Variants in ADAMTS12 observed in about 807,000 individuals in gnomAD.
ADAMTS12 encodes A disintegrin and metalloproteinase with thrombospondin motifs 12.
ADAMTS12 carries 118 observed loss-of-function variants against 167.8 expected under a neutral mutation model. That is an observed-to-expected ratio of 0.70 (90% CI 0.61 to 0.82). ADAMTS12 has a LOEUF of 0.82. Among genes scored for constraint, ADAMTS12 ranks in the 40% least tolerant of loss-of-function variants. ADAMTS12 has a pLI of 0.00. For missense variants in ADAMTS12, 1,916 were observed against 1,998.8 expected (o/e 0.96, Z 0.79); for synonymous variants, 704 against 716.9 (o/e 0.98, Z 0.29).
chr5:33,571,510 G>A (rs1038835530), intron 19 of ADAMTS12, among the ~76,000 whole-genome samples: 14 of 152,182 alleles, frequency 9.2e-5, no homozygotes, highest in South Asian at 2.1e-4. Context: ...GGTACATAAC[G>A]AAATGAAGGC....
At position 33,614,292 on chromosome 5, in the gene ADAMTS12, T is replaced by C. The variant is rs1379176045; in HGVS notation, c.2473A>G (p.Met825Val). Residue 825 changes from methionine (M) to valine (V), a missense_variant, in exon 16 of 24, where the codon ATG becomes GTG. Transcript: ENST00000504830. ...DGLDNDVEQQ[M>V]YFWQYGHWTE... is the part of the protein sequence containing the mutation. ...CAGTGGCCGTACTGCCAGAAGTACA[T>C]CTGCTGCTCAACATCATTGTCAAGG... 2.5e-6 allele frequency: 4 copies of C among 1,614,020 alleles called. No individual in the cohort carries two copies. The highest frequency in any genetic ancestry group is 2.2e-5 in the East Asian group (1 of 44,862).
intron 2 of ADAMTS12, among the ~76,000 whole-genome samples, chr5:33,834,788 G>C (rs146136422): frequency 3.4e-4 from 52 of 152,348 alleles, no homozygotes; most frequent in African/African-American, 1.2e-3. Context: ...ACATGCTGCT[G>C]TTGGCCAAAA....
chr5:33,674,969 G>A (rs1210980381), intron 5 of ADAMTS12, among the ~76,000 whole-genome samples: 1 of 152,104 alleles, frequency 6.6e-6, no homozygotes, highest in African/African-American at 2.4e-5. Flanking sequence ...TCATGGGAGT[G>A]AGTTTGTTAC....
chr5:33,728,155 T>A (rs537817026), intron 3 of ADAMTS12, among the ~76,000 whole-genome samples: 40 of 152,310 alleles, frequency 2.6e-4, no homozygotes, highest in Non-Finnish European at 4.3e-4. Flanking sequence ...CCTGAGACCA[T>A]CCTCTTCCCC....
intron 10 of ADAMTS12, among the ~76,000 whole-genome samples, chr5:33,643,047 T>C (rs1250424540): frequency 1.3e-5 from 2 of 152,164 alleles, no homozygotes; most frequent in African/African-American, 2.4e-5. Context: ...ATCTTCCATA[T>C]GAGAGAAAAA....
intron 18 of ADAMTS12, among the ~76,000 whole-genome samples, chr5:33,583,753 G>A (rs1033487608): frequency 2.0e-5 from 3 of 152,158 alleles, no homozygotes; most frequent in African/African-American, 7.2e-5. Context: ...ACGATATTGA[G>A]CACCTTTTCA....
chr5:33,879,888 G>C (rs1427127658), intron 2 of ADAMTS12, among the ~76,000 whole-genome samples: 2 of 152,154 alleles, frequency 1.3e-5, no homozygotes, highest in Non-Finnish European at 2.9e-5. Context: ...GGGAGGATTT[G>C]GAACAAGTGC....
intron 16 of ADAMTS12, among the ~76,000 whole-genome samples, chr5:33,606,648 T>C (rs1268689216): frequency 2.0e-5 from 3 of 152,182 alleles, no homozygotes; most frequent in Middle Eastern, 3.2e-3. Flanking sequence ...GACTAGAATC[T>C]GTGGAGAAAT....
intron 2 of ADAMTS12, among the ~76,000 whole-genome samples, chr5:33,807,928 T>C (rs887966602): frequency 2.0e-5 from 3 of 152,162 alleles, no homozygotes; most frequent in Non-Finnish European, 2.9e-5. Flanking sequence ...AATTTCACTA[T>C]AGAAGAGGAA....
At chr5:33,667,976 T>A (rs1741533023) in intron 5 of ADAMTS12, among the ~76,000 whole-genome samples, 1 of 152,208 alleles carries the variant, frequency 6.6e-6, no homozygotes, top group African/African-American at 2.4e-5. Flanking sequence ...TCCTAGCATT[T>A]GTTTTAATGT....
intron 2 of ADAMTS12, among the ~76,000 whole-genome samples, chr5:33,860,158 C>T (rs2910635): frequency 0.42 from 63,068 of 151,860 alleles, 14,395 homozygotes; most frequent in African/African-American, 0.61. Flanking sequence ...GGATGGAGAA[C>T]GACTTTGATG....
At chr5:33,585,208 C>G (rs1747286531) in intron 18 of ADAMTS12, among the ~76,000 whole-genome samples, 1 of 152,164 alleles carries the variant, frequency 6.6e-6, no homozygotes, top group Non-Finnish European at 1.5e-5. Flanking sequence ...CCAGGGGTGT[C>G]TCTTGAAGAA....
In ADAMTS12 at chr5:33,816,699, A is replaced by G. The variant is rs547019502; in HGVS notation, c.489+64420T>C. Among the ~76,000 whole-genome samples, 4 of 152,308 alleles carry G rather than the reference A, an allele frequency of 2.6e-5. No homozygotes were observed. The South Asian group carries it at 8.3e-4, about 32-fold the overall frequency. On this transcript the variant is annotated intron_variant, in intron 2 of 23. Coordinates refer to ENST00000504830, the MANE Select transcript of ADAMTS12 (RefSeq NM_030955.4). ...TGGGAGAAAGCCAATGAGAATGAAA[A>G]GAATCACAATCCAATGGAAATGACA...
intron 2 of ADAMTS12, among the ~76,000 whole-genome samples, chr5:33,859,076 T>C (rs1228618299): frequency 6.6e-6 from 1 of 152,090 alleles, no homozygotes; most frequent in African/African-American, 2.4e-5. Context: ...AGCGCAAAAC[T>C]GGGTGGCGGT....
chr5:33,619,470 A>G (rs528973805), intron 14 of ADAMTS12, among the ~76,000 whole-genome samples: 134 of 152,046 alleles, frequency 8.8e-4, no homozygotes, highest in African/African-American at 3.2e-3. Context: ...CTCTTCAAGG[A>G]TTTTCTTAAT....
chr5:33,788,287 C>T (rs1357614550), intron 2 of ADAMTS12, among the ~76,000 whole-genome samples: 1 of 151,030 alleles, frequency 6.6e-6, no homozygotes, highest in Admixed American at 6.6e-5. Context: ...TTCTCTCTCT[C>T]TTTTTTTTTG....
chr5:33,870,460 G>C (rs1749997609), intron 2 of ADAMTS12, among the ~76,000 whole-genome samples: 1 of 152,200 alleles, frequency 6.6e-6, no homozygotes, highest in Non-Finnish European at 1.5e-5. Context: ...ATGTTCTTCT[G>C]TCATGGCTTC....
intron 3 of ADAMTS12, among the ~76,000 whole-genome samples, chr5:33,711,499 G>A (rs1321948645): frequency 6.6e-6 from 1 of 152,038 alleles, no homozygotes; most frequent in Non-Finnish European, 1.5e-5. Flanking sequence ...CACACCCCAG[G>A]GGACACACAG....
chr5:33,622,842 T>C (rs1386385098), intron 14 of ADAMTS12, among the ~76,000 whole-genome samples: 1 of 152,190 alleles, frequency 6.6e-6, no homozygotes, highest in Non-Finnish European at 1.5e-5. Flanking sequence ...ATACCGGTTA[T>C]CATTCACATT....
Sources: allele counts gnomAD v4.1 joint callset (sites outside exome capture counted in the v4.1 genomes callset), GRCh38; gene constraint gnomAD v4.1.1; transcripts MANE v1.5; gene names NCBI Gene and HGNC (gene_info 2026-07-23, HGNC 2026-07-21).